Variants in LIPC observed in about 807,000 individuals in gnomAD.
LIPC encodes the protein lipase C, hepatic type.
In LIPC, 44 loss-of-function variants were observed where a neutral mutation model predicts 50.7. That is an observed-to-expected ratio of 0.87 (90% CI 0.68 to 1.11). The LOEUF is 1.11. Ranked by LOEUF, LIPC falls within the 50% of genes most tolerant of loss-of-function variation. LIPC has a pLI of 0.00. For missense variants in LIPC, 697 were observed against 648.2 expected (o/e 1.08, Z -0.82); for synonymous variants, 271 against 256.4 (o/e 1.06, Z -0.54).
At chr15:58,500,260 A>C (rs1403421684) in intron 1 of LIPC, among the ~76,000 whole-genome samples, 1 of 152,238 alleles carries the variant, frequency 6.6e-6, no homozygotes, top group South Asian at 2.1e-4. Flanking sequence ...GTTTCCTCGT[A>C]GGTAAGGTGG....
intron 1 of LIPC, among the ~76,000 whole-genome samples, chr15:58,461,102 G>A (rs1894332217): frequency 6.6e-6 from 1 of 152,168 alleles, no homozygotes; most frequent in Non-Finnish European, 1.5e-5. Flanking sequence ...GCTTGAAGTG[G>A]TCACTGCTGG....
intron 1 of LIPC, chr15:58,454,961 A>G (rs899482205): frequency 6.6e-6 from 1 of 152,236 alleles, no homozygotes; most frequent in Non-Finnish European, 1.5e-5. Context: ...TAAATACTCA[A>G]AACTCCTCTG....
intron 1 of LIPC, among the ~76,000 whole-genome samples, chr15:58,472,908 T>C (rs1294728052): frequency 6.6e-6 from 1 of 152,198 alleles, no homozygotes; most frequent in African/African-American, 2.4e-5. Context: ...CCCAGGTGTG[T>C]CTGACTACGG....
intron 1 of LIPC, among the ~76,000 whole-genome samples, chr15:58,458,094 G>C (rs1240456937): frequency 1.3e-5 from 2 of 152,058 alleles, no homozygotes; most frequent in African/African-American, 2.4e-5. Flanking sequence ...GTCCTTAGTA[G>C]CTAGGGAGCT....
intron 1 of LIPC, among the ~76,000 whole-genome samples, chr15:58,529,720 G>A (rs564581156): frequency 6.6e-6 from 1 of 152,308 alleles, no homozygotes; most frequent in Non-Finnish European, 1.5e-5. Context: ...CTGTCCTCCA[G>A]CACAGTAGAA....
intron 1 of LIPC, among the ~76,000 whole-genome samples, chr15:58,462,123 T>C (rs906838834): frequency 4.6e-5 from 7 of 152,240 alleles, no homozygotes; most frequent in Non-Finnish European, 1.0e-4. Flanking sequence ...ATTTTCCTGT[T>C]TCTTGCATGC....
chr15:58,474,237 G>A (rs10152372), intron 1 of LIPC, among the ~76,000 whole-genome samples: 108,514 of 152,096 alleles, frequency 0.71, 38,890 homozygotes, highest in South Asian at 0.76. Flanking sequence ...AAGGCTTTAC[G>A]TGGGCCACTG....
chr15:58,509,655 G>A (rs1352884775), intron 1 of LIPC, among the ~76,000 whole-genome samples: 1 of 151,910 alleles, frequency 6.6e-6, no homozygotes, highest in Non-Finnish European at 1.5e-5. Context: ...TCCCCAGTAA[G>A]CCAGGACTCT....
intron 1 of LIPC, among the ~76,000 whole-genome samples, chr15:58,445,634 A>T (rs1833685562): frequency 6.6e-6 from 1 of 152,060 alleles, no homozygotes; most frequent in South Asian, 2.1e-4. Flanking sequence ...CCTGAGGGAG[A>T]CTCTGGGTGA....
intron 1 of LIPC, among the ~76,000 whole-genome samples, chr15:58,488,238 C>G (rs142527360): frequency 6.6e-6 from 1 of 152,208 alleles, no homozygotes; most frequent in South Asian, 2.1e-4. Context: ...CCACTACTCC[C>G]AAGCCTGGGC....
At chr15:58,518,195 C>T (rs1595914369) in intron 1 of LIPC, among the ~76,000 whole-genome samples, 1 of 152,190 alleles carries the variant, frequency 6.6e-6, no homozygotes, top group Admixed American at 6.5e-5. Context: ...TCCCCTTGCC[C>T]CCTGTTTTGA....
Position 58,432,103 on chromosome 15 carries a change from G to T in LIPC, c.71G>T (p.Gly24Val), listed in dbSNP as rs776432016. ...LCIFIQSSAL[G>V]QSLKPEPFGR... is the part of the protein sequence containing the mutation. Reference sequence around the variant, plus strand: ...ATCTTTATCCAATCAAGTGCCCTTGGACAAAGCCTGAAACCAGGTAAGAGC... The same window carrying T: ...ATCTTTATCCAATCAAGTGCCCTTGTACAAAGCCTGAAACCAGGTAAGAGC... Residue 24 changes from glycine to valine, a missense_variant, in exon 1 of 9, where the codon GGA (glycine) becomes GTA (valine). By Grantham distance (109) the Gly-to-Val change is moderately radical. Coordinates refer to ENST00000299022, the MANE Select transcript of LIPC (RefSeq NM_000236.3). The T allele has an allele frequency of 6.2e-7, 1 of 1,613,356 alleles. No homozygotes were observed. Among genetic ancestry groups the T allele is most frequent in the African/African-American group, 1.3e-5 (1 of 74,994 alleles).
At chr15:58,498,087 G>A (rs1165325259) in intron 1 of LIPC, among the ~76,000 whole-genome samples, 1 of 152,132 alleles carries the variant, frequency 6.6e-6, no homozygotes, top group African/African-American at 2.4e-5. Flanking sequence ...CAAAGAGAAT[G>A]GATCCTGACC....
intron 1 of LIPC, among the ~76,000 whole-genome samples, chr15:58,486,552 G>A (rs531497997): frequency 6.6e-6 from 1 of 152,288 alleles, no homozygotes; most frequent in South Asian, 2.1e-4. Flanking sequence ...ATCTAGGCCT[G>A]GTACAGACCA....
intron 6 of LIPC, among the ~76,000 whole-genome samples, chr15:58,551,827 G>C (rs1482310285): frequency 6.6e-6 from 1 of 152,222 alleles, no homozygotes; most frequent in African/African-American, 2.4e-5. Flanking sequence ...CCTGATTGTA[G>C]TTTCACAAAG....
At chr15:58,517,427 C>G (rs1349609911) in intron 1 of LIPC, among the ~76,000 whole-genome samples, 1 of 152,230 alleles carries the variant, frequency 6.6e-6, no homozygotes, top group Non-Finnish European at 1.5e-5. Context: ...TCTTATGTGG[C>G]AAAATAAAAT....
chr15:58,468,292 G>A (rs574974530), intron 1 of LIPC, among the ~76,000 whole-genome samples: 1 of 152,196 alleles, frequency 6.6e-6, no homozygotes, highest in East Asian at 1.9e-4. Flanking sequence ...CTCTCAGAGT[G>A]AACACCTATG....
chr15:58,461,704 C>T (rs1483284567), intron 1 of LIPC, among the ~76,000 whole-genome samples: 3 of 151,972 alleles, frequency 2.0e-5, no homozygotes, highest in African/African-American at 4.8e-5. Flanking sequence ...AGGGGTGAGC[C>T]ACTGGGCCCC....
intron 1 of LIPC, among the ~76,000 whole-genome samples, chr15:58,458,160 G>A (rs1457437477): frequency 2.0e-4 from 17 of 85,492 alleles, no homozygotes; most frequent in Admixed American, 1.9e-3. Flanking sequence ...CAGAAGCAGG[G>A]AAATTGCTGG....
Sources: allele counts gnomAD v4.1 joint callset (sites outside exome capture counted in the v4.1 genomes callset), GRCh38; gene constraint gnomAD v4.1.1; transcripts MANE v1.5; gene names NCBI Gene and HGNC (gene_info 2026-07-23, HGNC 2026-07-21).